CCNL1: variants seen among roughly 807,000 people sequenced by gnomAD.
The protein encoded by CCNL1 is cyclin L1, also known as cyclin-L1.
In CCNL1, 13 loss-of-function variants were observed where a neutral mutation model predicts 60.6. That is an observed-to-expected ratio of 0.21 (90% confidence interval 0.14 to 0.34). The LOEUF is 0.34. Among genes scored for constraint, CCNL1 ranks in the 10% least tolerant of loss-of-function variants. The pLI is 1.00. For missense variants in CCNL1, 481 were observed against 664.3 expected (o/e 0.72, Z 3.03); for synonymous variants, 270 against 244.3 (o/e 1.10, Z -0.98).
downstream of CCNL1, among the ~76,000 whole-genome samples, chr3:157,145,499 A>AAAAAAAG (rs1466043549): frequency 4.0e-5 from 6 of 150,470 alleles, no homozygotes; most frequent in African/African-American, 1.5e-4. Context: ...TCATTTAAAG[A>AAAAAAAG]AAAAAAGTAT....
chr3:157,143,759 G>C (rs1169817429), downstream of CCNL1, among the ~76,000 whole-genome samples: 1 of 152,130 alleles, frequency 6.6e-6, no homozygotes, highest in Non-Finnish European at 1.5e-5. Context: ...CCTGAATAAA[G>C]ACTATCTCTG....
At chr3:157,153,423 T>C in intron 3 of CCNL1, 2 of 334,698 alleles carry the variant, frequency 6.0e-6, no homozygotes, top group Non-Finnish European at 1.1e-5. Context: ...CTGCCAACTT[T>C]TCCATTCTGC....
downstream of CCNL1, among the ~76,000 whole-genome samples, chr3:157,147,265 A>G (rs1737815448): frequency 6.6e-6 from 1 of 152,236 alleles, no homozygotes; most frequent in African/African-American, 2.4e-5. Flanking sequence ...AAAAAATAGT[A>G]AATGTGAGTA....
rs1560204794 is a variant in CCNL1, at chr3:157,160,070, C to T, written c.25G>A (p.Ala9Thr). ...GATGAGGCGGCTGCGGCAGCAGTAG[C>T]TGTCGAATGAGGCCCGGACGCCATA... MASGPHST[A>T]TAAAAASSAA... The change falls in exon 1 of 11, where the codon GCT (alanine) becomes ACT (threonine). Residue 9 changes from alanine to threonine, a missense_variant. Ala to Thr is a moderately conservative substitution (Grantham distance 58). Around this residue, in one of 5 missense-constraint regions of CCNL1, gnomAD observed 65 missense variants for 57.5 expected, o/e 1.13. Coordinates refer to ENST00000295926, the MANE Select transcript of CCNL1 (RefSeq NM_020307.4). The T allele has an allele frequency of 2.6e-6, 4 of 1,556,224 alleles. No individual in the cohort carries two copies. The highest frequency in any genetic ancestry group is 1.4e-5 in the African/African-American group (1 of 73,548).
Position 157,148,019 on chromosome 3 carries a change from C to A in CCNL1, c.*222G>T. 7.6e-7 allele frequency: 1 copy of A among 1,309,128 alleles called. No individual in the cohort carries two copies. The highest frequency in any genetic ancestry group is 9.7e-7 in the Non-Finnish European group (1 of 1,032,534). The allele number at this position is 1,309,128 out of a possible 1,614,324, so 81.1% of individuals were successfully genotyped here. A position where few individuals can be genotyped will look rare whatever the true frequency, so the allele number is the denominator to read the frequency against. On this transcript the variant is annotated 3_prime_UTR_variant, in exon 11 of 11. Transcript: ENST00000295926. ...ACAACTATAATAAAGTACAATTGAA[C>A]CTGACCATGGTTTTTAATTAGATAC...
chr3:157,148,109 G>A lies in CCNL1; in HGVS notation c.*132C>T. ...CTTTTCAAAAGAAACTGTCCTCAGT[G>A]TTCTAGAGACCTAGAGGGTTTCAAG... On this transcript the variant is annotated 3_prime_UTR_variant, in exon 11 of 11. Transcript: ENST00000295926. 1 of 1,439,970 alleles carries A rather than the reference G, an allele frequency of 6.9e-7. No individual in the cohort carries two copies. The highest frequency in any genetic ancestry group is 2.5e-5 in the East Asian group (1 of 40,148). 89.2% of individuals were successfully genotyped at this position (1,439,970 alleles called of 1,614,324 possible).
At chr3:157,149,725 C>G (rs1435070279) in intron 8 of CCNL1, 111 bp downstream of exon 8, 29 of 1,462,502 alleles carry the variant, frequency 2.0e-5, no homozygotes, top group Non-Finnish European at 2.5e-5. Flanking sequence ...GAGAACATAG[C>G]AGCAGTTTCC....
downstream of CCNL1, chr3:157,147,549 C>G (rs6771465): frequency 0.015 from 14,947 of 982,882 alleles, 987 homozygotes; most frequent in African/African-American, 0.18. Flanking sequence ...AAAAGCAAAT[C>G]AGGTTTTTTG....
At chr3:157,146,126 AGTG>A (rs1737776492), downstream of CCNL1, among the ~76,000 whole-genome samples, 1 of 152,196 alleles carries the variant, frequency 6.6e-6, no homozygotes, top group Admixed American at 6.5e-5. Context: ...TGGGAGGTGG[AGTG>A]GTGAACTGGT....
rs146789672 is a variant in CCNL1 at position 157,159,156 on chromosome 3, A to G, written c.379-181T>C. 2.6e-3 allele frequency: 1,663 copies of G among 630,806 alleles called. 22 individuals carry two copies. In the East Asian group the frequency reaches 0.027, roughly 10 times the overall value. The allele number at this position is 630,806 out of a possible 1,614,324, so 39.1% of individuals were successfully genotyped here. On this transcript the variant is annotated intron_variant, in intron 2 of 10. Transcript: ENST00000295926. ...TTTAACTCATCTTAATTTTGGTTCCAGAGTCAAACTCAATCTTACAGGAGT... is the reference window on the plus strand; with the variant it reads ...TTTAACTCATCTTAATTTTGGTTCCGGAGTCAAACTCAATCTTACAGGAGT...
rs2108143022 is a variant in CCNL1, at chr3:157,159,444, A to C, written c.339T>G (p.Arg113=). The stretch of plus-strand genomic sequence containing the variant: ...TGACGAAAGATTTGGAGTAGAAAAA[A>C]CGATGAAACAACACCTGCCCCGTTG... ...AMATGQVLFH[R]FFYSKSFVKH... is the part of the protein sequence containing the mutation. The change falls in exon 2 of 11, where the codon CGT becomes CGG. Residue 113 remains arginine (R), a synonymous_variant. Coordinates refer to ENST00000295926, the MANE Select transcript of CCNL1 (RefSeq NM_020307.4). The C allele has an allele frequency of 6.2e-7, 1 of 1,614,106 alleles. No individual in the cohort carries two copies. Among genetic ancestry groups the C allele is most frequent in the African/African-American group, 1.3e-5 (1 of 75,046 alleles).
downstream of CCNL1, among the ~76,000 whole-genome samples, chr3:157,144,416 G>GT (rs1305958086): frequency 6.6e-6 from 1 of 152,216 alleles, no homozygotes; most frequent in Non-Finnish European, 1.5e-5. Flanking sequence ...ACAAAATGTT[G>GT]TAAGGGCCAG....
downstream of CCNL1, among the ~76,000 whole-genome samples, chr3:157,146,893 GAACTAT>G (rs1258045842): frequency 6.6e-6 from 1 of 152,160 alleles, no homozygotes; most frequent in Admixed American, 6.5e-5. Flanking sequence ...TTTATAGTTA[GAACTAT>G]AACTGATTTA....
chr3:157,147,261 T>A (rs1367471188), downstream of CCNL1, among the ~76,000 whole-genome samples: 2 of 152,162 alleles, frequency 1.3e-5, no homozygotes, highest in Non-Finnish European at 2.9e-5. Flanking sequence ...TTGAAAAAAA[T>A]AGTAAATGTG....
chr3:157,157,763 C>A (rs1738732182), intron 3 of CCNL1, among the ~76,000 whole-genome samples: 1 of 152,206 alleles, frequency 6.6e-6, no homozygotes, highest in Non-Finnish European at 1.5e-5. Context: ...GACTAGGATA[C>A]TCTTTTTTTA....
intron 3 of CCNL1, among the ~76,000 whole-genome samples, chr3:157,157,956 A>G (rs1738752945): frequency 6.6e-6 from 1 of 152,222 alleles, no homozygotes; most frequent in South Asian, 2.1e-4. Context: ...AATCCTTTTA[A>G]TAACTTCCTT....
chr3:157,145,728 TA>T (rs944808593), downstream of CCNL1, among the ~76,000 whole-genome samples: 1 of 151,988 alleles, frequency 6.6e-6, no homozygotes, highest in Admixed American at 6.6e-5. Flanking sequence ...TCCAGACAAG[TA>T]AAAAAATTAA....
intron 4 of CCNL1, 21 bp downstream of exon 4, chr3:157,153,015 T>C (rs1738315605): frequency 6.2e-7 from 1 of 1,611,710 alleles, no homozygotes; most frequent in Admixed American, 1.7e-5. Flanking sequence ...ACGAACCCAA[T>C]TTCTGTACTC....
chr3:157,145,437 C>CA (rs56894231), downstream of CCNL1, among the ~76,000 whole-genome samples: 8,896 of 24,222 alleles, frequency 0.37, 2,912 homozygotes, highest in Non-Finnish European at 0.52. Context: ...GACTTCATCT[C>CA]AAAAAAAAAA....
Sources: allele counts gnomAD v4.1 joint callset (sites outside exome capture counted in the v4.1 genomes callset), GRCh38; gene constraint gnomAD v4.1.1; regional missense constraint gnomAD v4.1.1; transcripts MANE v1.5; gene names NCBI Gene and HGNC (gene_info 2026-07-23, HGNC 2026-07-21).